The following ADPGK variants were observed in gnomAD, a reference collection of about 807,000 sequenced individuals.
ADPGK encodes ADP-dependent glucokinase.
Under a neutral mutation model 42.4 loss-of-function variants are expected in ADPGK, and 26 were observed. That is an observed-to-expected ratio of 0.61 (90% CI 0.45 to 0.85). The LOEUF is 0.85. Ranked by LOEUF, ADPGK falls within the 40% of genes least tolerant of loss-of-function variation. The pLI, the probability that ADPGK is intolerant of heterozygous loss-of-function variation, is 0.00. For synonymous variants in ADPGK, 267 were observed against 252.6 expected (o/e 1.06, Z -0.54); for missense variants, 571 against 627.0 (o/e 0.91, Z 0.95).
intron 1 of ADPGK, among the ~76,000 whole-genome samples, chr15:72,780,240 G>A (rs374324562): frequency 3.3e-5 from 5 of 152,200 alleles, no homozygotes; most frequent in African/African-American, 1.2e-4. Flanking sequence ...TACATTCATG[G>A]TGGAAGGTGA....
In ADPGK at chr15:72,752,279, T is replaced by G; in HGVS notation, c.*62A>C. The G allele has an allele frequency of 6.7e-7, 1 of 1,492,036 alleles. No individual in the cohort carries two copies. Among genetic ancestry groups the G allele is most frequent in the Non-Finnish European group, 9.0e-7 (1 of 1,109,984 alleles). 92.4% of individuals were successfully genotyped at this position (1,492,036 alleles called of 1,614,324 possible). A position where few individuals can be genotyped will look rare whatever the true frequency, so the allele number is the denominator to read the frequency against. On this transcript the variant is annotated 3_prime_UTR_variant, in exon 7 of 7. Transcript: ENST00000456471. ...TTTGGCTGTCTTCCAAACCACTTTC[T>G]TCCTGTAATTCTTAAGTTGGCTAGT...
intron 3 of ADPGK, among the ~76,000 whole-genome samples, chr15:72,766,191 A>G (rs2066256489): frequency 6.6e-6 from 1 of 151,994 alleles, no homozygotes; most frequent in Non-Finnish European, 1.5e-5. Flanking sequence ...GGGTCTCGCT[A>G]TGTTGCCCAG....
At chr15:72,775,166 G>A in intron 1 of ADPGK, 69 bp from the exon 2 acceptor site, 1 of 1,352,088 alleles carries the variant, frequency 7.4e-7, no homozygotes, top group Non-Finnish European at 1.0e-6. Context: ...TTTAACAAAA[G>A]GAAAATGTTT....
In ADPGK at chr15:72,777,539, G is replaced by A. The variant is rs374547892; in HGVS notation, c.234-2442C>T. 3.5e-4 allele frequency among the ~76,000 whole-genome samples: 53 copies of A among 152,162 alleles called. 1 individual carries two copies. In the East Asian group the frequency reaches 8.9e-3, roughly 26 times the overall value. The stretch of plus-strand genomic sequence containing the variant: ...ATGAAAACACAAAAATTAGCTGGGT[G>A]TGGTGGTGGACACCTGTAATCCCAG... On this transcript the variant is annotated intron_variant, in intron 1 of 6. Transcript: ENST00000456471.
intron 3 of ADPGK, among the ~76,000 whole-genome samples, chr15:72,771,208 C>T (rs917424401): frequency 6.6e-6 from 1 of 152,176 alleles, no homozygotes; most frequent in African/African-American, 2.4e-5. Flanking sequence ...AACATGGCAA[C>T]GATTTTTAAT....
chr15:72,777,986 C>T (rs2066410329), intron 1 of ADPGK, among the ~76,000 whole-genome samples: 1 of 152,012 alleles, frequency 6.6e-6, no homozygotes, highest in African/African-American at 2.4e-5. Context: ...CGGTGGCTCA[C>T]ACTTGTAACC....
At chr15:72,766,495 G>A (rs551859054) in intron 3 of ADPGK, among the ~76,000 whole-genome samples, 20 of 152,294 alleles carry the variant, frequency 1.3e-4, no homozygotes, top group East Asian at 7.7e-4. Context: ...GATTATGACC[G>A]TCTGAAAGCT....
rs367752938 is a variant in ADPGK at position 72,756,404 on chromosome 15, G to C, written c.687C>G (p.Phe229Leu). 12 of 1,614,086 alleles carry C rather than the reference G, an allele frequency of 7.4e-6. No individual in the cohort carries two copies. The highest frequency in any genetic ancestry group is 1.0e-5 in the Non-Finnish European group (12 of 1,180,052). Residue 229 changes from phenylalanine to leucine, a missense_variant, in exon 5 of 7, where the codon TTC (phenylalanine) becomes TTG (leucine). Phe to Leu is a conservative substitution (Grantham distance 22, BLOSUM62 0). Coordinates refer to ENST00000456471, the MANE Select transcript of ADPGK (RefSeq NM_001365225.1). The stretch of plus-strand genomic sequence containing the variant: ...CGTTGGAGAGGTCGTGAGAGAAGAT[G>C]AATCGGTTGGCATGGGGAGCTTTTA... ...GQLKAPHANRFIFSHDLSNGA... is the reference protein window; with the variant it reads ...GQLKAPHANRLIFSHDLSNGA...
In ADPGK at chr15:72,763,596, A is replaced by G. The variant is rs1431782912; in HGVS notation, c.523-3069T>C. Among the ~76,000 whole-genome samples the G allele has an allele frequency of 2.0e-5, 3 of 152,350 alleles. No homozygotes were observed. The East Asian group carries it at 5.8e-4, about 29-fold the overall frequency. The stretch of plus-strand genomic sequence containing the variant: ...AAATCTCTTTAAGAGATAACTGAAG[A>G]GAAGTACTAACAAATTTAATGTGAG... On this transcript the variant is annotated intron_variant, in intron 3 of 6. Coordinates refer to ENST00000456471, the MANE Select transcript of ADPGK (RefSeq NM_001365225.1).
At chr15:72,780,964 T>G (rs1158854646) in intron 1 of ADPGK, among the ~76,000 whole-genome samples, 1 of 152,180 alleles carries the variant, frequency 6.6e-6, no homozygotes, top group African/African-American at 2.4e-5. Flanking sequence ...AATGGCCTCT[T>G]AAACCAGTGT....
chr15:72,755,624 C>G lies in ADPGK; in HGVS notation c.871G>C (p.Gly291Arg), dbSNP rs781269265. 1 of 1,614,032 alleles carries G rather than the reference C, an allele frequency of 6.2e-7. No homozygotes were observed. ...VVTSISDIPT[G>R]IPVHLELASM... is the part of the protein sequence containing the mutation. Reference sequence around the variant, plus strand: ...GCCAGCTCTAGGTGAACTGGAATACCAGTGGGGATGTCAGAAATGGAGGTT... The same window carrying G: ...GCCAGCTCTAGGTGAACTGGAATACGAGTGGGGATGTCAGAAATGGAGGTT... Residue 291 changes from glycine (G) to arginine (R), a missense_variant, in exon 6 of 7, where the codon GGT (glycine) becomes CGT (arginine). Gly to Arg is a moderately radical substitution (Grantham distance 125). Coordinates refer to ENST00000456471, the MANE Select transcript of ADPGK (RefSeq NM_001365225.1).
In ADPGK at chr15:72,760,493, T is replaced by C; in HGVS notation, c.557A>G (p.His186Arg). The C allele has an allele frequency of 4.3e-6, 7 of 1,609,684 alleles. No homozygotes were observed. Among genetic ancestry groups the C allele is most frequent in the Non-Finnish European group, 5.1e-6 (6 of 1,176,482 alleles). ...AAAGACATTGTCATCAAGAAGCTCA[T>C]GTAGCTTTGGACCAACTGGACCGCA... ...LLCGPVGPKL[H>R]ELLDDNVFVP... The change falls in exon 4 of 7, where the codon CAT becomes CGT. Residue 186 changes from histidine to arginine, a missense_variant. His to Arg is a conservative substitution (Grantham distance 29). Coordinates refer to ENST00000456471, the MANE Select transcript of ADPGK (RefSeq NM_001365225.1).
intron 4 of ADPGK, among the ~76,000 whole-genome samples, chr15:72,759,327 T>C (rs2066161090): frequency 6.6e-6 from 1 of 152,256 alleles, no homozygotes; most frequent in Admixed American, 6.5e-5. Context: ...TAAAAACTAT[T>C]ACTCTTACTT....
At position 72,752,637 on chromosome 15, in the gene ADPGK, G is replaced by C. The variant is rs367638127; in HGVS notation, c.1198C>G (p.Leu400Val). ...CGAGCTCCTGCAGCCACGGCTGCCA[G>C]CTGGTTGGCCCAGTGTCCATCCACA... ...ATVDGHWANQ[L>V]AAVAAGARVA... Residue 400 changes from leucine (L) to valine (V), a missense_variant, in exon 7 of 7, where the codon CTG (leucine) becomes GTG (valine). By Grantham distance (32) the Leu-to-Val change is conservative (BLOSUM62 1). Coordinates refer to ENST00000456471, the MANE Select transcript of ADPGK (RefSeq NM_001365225.1). 6 of 1,614,140 alleles carry C rather than the reference G, an allele frequency of 3.7e-6. No homozygotes were observed.
chr15:72,781,059 G>T (rs756028992), intron 1 of ADPGK, among the ~76,000 whole-genome samples: 6 of 152,172 alleles, frequency 3.9e-5, no homozygotes, highest in Non-Finnish European at 8.8e-5. Flanking sequence ...GAATACGAGT[G>T]TGTCTCTAGA....
At position 72,754,074 on chromosome 15, in the gene ADPGK, TA is replaced by T. The variant is rs35459506; in HGVS notation, c.940-1180del. On this transcript the variant is annotated intron_variant, in intron 6 of 6. Transcript: ENST00000456471. ...TTTTGCTATGCACCTAATATTACCA[TA>T]AAAAAAAAATGAAGTCTATCAAAAA... Among the ~76,000 whole-genome samples, 168 of 85,190 alleles carry T rather than the reference TA, an allele frequency of 2.0e-3. 1 individual carries two copies. The highest frequency in any genetic ancestry group is 1.0e-3 in the Non-Finnish European group (42 of 40,604). The allele number at this position is 85,190 out of a possible 152,430, so 55.9% of individuals were successfully genotyped here. A position where few individuals can be genotyped will look rare whatever the true frequency, so the allele number is the denominator to read the frequency against.
intron 6 of ADPGK, among the ~76,000 whole-genome samples, chr15:72,754,845 A>G (rs1180777283): frequency 6.6e-6 from 1 of 152,214 alleles, no homozygotes; most frequent in Non-Finnish European, 1.5e-5. Flanking sequence ...AAAGGGATGG[A>G]AAACAAAATC....
At chr15:72,765,974 TAG>T (rs1373802605) in intron 3 of ADPGK, among the ~76,000 whole-genome samples, 7 of 152,192 alleles carry the variant, frequency 4.6e-5, no homozygotes, top group Non-Finnish European at 1.0e-4. Flanking sequence ...CTCCAATTTT[TAG>T]AAGTTTTTTA....
chr15:72,771,379 CCTAA>C (rs1411044608), intron 3 of ADPGK, among the ~76,000 whole-genome samples: 1 of 152,102 alleles, frequency 6.6e-6, no homozygotes, highest in Non-Finnish European at 1.5e-5. Flanking sequence ...CCCACATGCT[CCTAA>C]CTATTAAATG....
Sources: allele counts gnomAD v4.1 joint callset (sites outside exome capture counted in the v4.1 genomes callset), GRCh38; gene constraint gnomAD v4.1.1; transcripts MANE v1.5; gene names NCBI Gene and HGNC (gene_info 2026-07-23, HGNC 2026-07-21).